Variants in IPO11 observed in about 807,000 individuals in gnomAD.
The protein encoded by IPO11 is importin-11.
In IPO11, 66 loss-of-function variants were observed where a neutral mutation model predicts 143.2. That is an observed-to-expected ratio of 0.46 (90% CI 0.38 to 0.57). IPO11 has a LOEUF of 0.57. IPO11 is among the 20% of genes least tolerant of loss of function. The pLI, the probability that IPO11 is intolerant of heterozygous loss-of-function variation, is 0.00. For missense variants in IPO11, 1,026 were observed against 1,141.0 expected, an observed-to-expected ratio of 0.90 and a Z score of 1.45; for synonymous variants, 385 against 377.8, an observed-to-expected ratio of 1.02 and a Z score of -0.22.
Position 62,601,798 on chromosome 5 carries a change from G to A in IPO11, c.2713G>A (p.Val905Ile). 6.3e-7 allele frequency: 1 copy of A among 1,595,058 alleles called. No individual in the cohort carries two copies. The highest frequency in any genetic ancestry group is 8.5e-7 in the Non-Finnish European group (1 of 1,170,362). Residue 905 changes from valine (V) to isoleucine (I), a missense_variant, in exon 29 of 30, where the codon GTA becomes ATA. Val to Ile is a conservative substitution (Grantham distance 29, BLOSUM62 3). Around this residue, in one of 5 missense-constraint regions of IPO11, gnomAD observed 351 missense variants for 358.9 expected, o/e 0.98. Coordinates refer to ENST00000325324, the MANE Select transcript of IPO11 (RefSeq NM_016338.5). ...MLMSHLEEPK[V>I]TEDEEPPTEQ... ...GATGTCTCATCTTGAGGAACCAAAAGTAACAGAAGATGAAGAACCACCCAC... is the reference window on the plus strand; with the variant it reads ...GATGTCTCATCTTGAGGAACCAAAAATAACAGAAGATGAAGAACCACCCAC...
At chr5:62,568,440 G>A (rs779095764) in intron 27 of IPO11, among the ~76,000 whole-genome samples, 1 of 151,176 alleles carries the variant, frequency 6.6e-6, no homozygotes, top group Non-Finnish European at 1.5e-5. Flanking sequence ...AGGGTGTGGT[G>A]GTGCACACCT....
rs1744539481 is a variant in IPO11, at chr5:62,581,080, A to G, written c.2583-10497A>G. 3.2e-6 allele frequency: 5 copies of G among 1,549,378 alleles called. 1 individual carries two copies. The highest frequency in any genetic ancestry group is 1.7e-4 in the Middle Eastern group (1 of 5,970). The stretch of plus-strand genomic sequence containing the variant: ...TGTTTTAATCATTTTTTTGATCTAC[A>G]AAGTTGTTCAGTTTAAACAAAAACT... On this transcript the variant is annotated intron_variant, in intron 27 of 29. Coordinates refer to ENST00000325324, the MANE Select transcript of IPO11 (RefSeq NM_016338.5).
rs183429434 is a variant in IPO11 at position 62,584,510 on chromosome 5, G to A, written c.2583-7067G>A. On this transcript the variant is annotated intron_variant, in intron 27 of 29. Transcript: ENST00000325324. ...TGCCCGTAGTCCTAGCTACTCAGGA[G>A]GCTGAGGTGTGAGGATTGCTTGAGC... 2.7e-3 allele frequency among the ~76,000 whole-genome samples: 413 copies of A among 151,608 alleles called. 1 individual carries two copies. Among genetic ancestry groups the A allele is most frequent in the African/African-American group, 9.4e-3 (389 of 41,328 alleles).
At chr5:62,529,382 T>C (rs934743331) in intron 21 of IPO11, among the ~76,000 whole-genome samples, 1 of 152,128 alleles carries the variant, frequency 6.6e-6, no homozygotes, top group African/African-American at 2.4e-5. Context: ...GAAAAAACCT[T>C]TCTTTTAAAA....
intron 15 of IPO11, among the ~76,000 whole-genome samples, chr5:62,492,103 T>C (rs1746636016): frequency 6.6e-6 from 1 of 152,204 alleles, no homozygotes; most frequent in African/African-American, 2.4e-5. Flanking sequence ...GGTTTTGACT[T>C]AGTAGGTCTG....
At chr5:62,507,145 A>C (rs978251331) in intron 19 of IPO11, among the ~76,000 whole-genome samples, 3 of 152,210 alleles carry the variant, frequency 2.0e-5, no homozygotes, top group Non-Finnish European at 4.4e-5. Context: ...GTTCTCACAA[A>C]AAACTTGAGG....
chr5:62,530,939 T>C (rs544418315), intron 22 of IPO11, among the ~76,000 whole-genome samples, 154 bp downstream of exon 22: 7 of 152,322 alleles, frequency 4.6e-5, no homozygotes, highest in African/African-American at 7.2e-5. Context: ...CATGGATATA[T>C]TGCGTGATGT....
chr5:62,603,179 G>T (rs557465435), intron 29 of IPO11, among the ~76,000 whole-genome samples: 6 of 152,132 alleles, frequency 3.9e-5, no homozygotes, highest in Non-Finnish European at 7.4e-5. Flanking sequence ...TCTTAATAAA[G>T]ATCCAAAACA....
At chr5:62,576,797 A>G (rs1327281545) in intron 27 of IPO11, among the ~76,000 whole-genome samples, 2 of 152,228 alleles carry the variant, frequency 1.3e-5, no homozygotes, top group East Asian at 3.8e-4. Context: ...GAATACATGC[A>G]TCCATACAGA....
Position 62,417,321 on chromosome 5 carries a change from A to ATTTTT in IPO11, c.-7+4414_-7+4418dup, listed in dbSNP as rs34767317. Among the ~76,000 whole-genome samples the ATTTTT allele has an allele frequency of 3.2e-4, 21 of 65,342 alleles. 1 individual carries two copies. Among genetic ancestry groups the ATTTTT allele is most frequent in the African/African-American group, 1.1e-3 (18 of 15,724 alleles). The allele number at this position is 65,342 out of a possible 152,430, so 42.9% of individuals were successfully genotyped here. ...ATTTTCTTCACCTCCTTATTGGTTA[A>ATTTTT]TTTTTTTTTTTTTTTTTTTTTTTTT... On this transcript the variant is annotated intron_variant, in intron 1 of 29. Coordinates refer to ENST00000325324, the MANE Select transcript of IPO11 (RefSeq NM_016338.5).
At chr5:62,537,854 CAT>C (rs1424919721) in intron 24 of IPO11, among the ~76,000 whole-genome samples, 1 of 151,780 alleles carries the variant, frequency 6.6e-6, no homozygotes, top group Non-Finnish European at 1.5e-5. Context: ...TACATATAAA[CAT>C]AAATGTATGT....
intron 28 of IPO11, among the ~76,000 whole-genome samples, chr5:62,597,507 C>G (rs1435477176): frequency 6.6e-6 from 1 of 152,166 alleles, no homozygotes; most frequent in Non-Finnish European, 1.5e-5. Flanking sequence ...ACTGAAACAG[C>G]TGGATTGGTT....
At chr5:62,492,567 G>T (rs1561333320) in intron 15 of IPO11, among the ~76,000 whole-genome samples, 2 of 151,826 alleles carry the variant, frequency 1.3e-5, no homozygotes, top group African/African-American at 4.8e-5. Context: ...TTTTTGAGAT[G>T]GGGTCTCACT....
intron 29 of IPO11, among the ~76,000 whole-genome samples, chr5:62,626,443 A>G (rs1746581078): frequency 6.6e-6 from 1 of 151,990 alleles, no homozygotes; most frequent in Non-Finnish European, 1.5e-5. Flanking sequence ...TTCCGGTAAC[A>G]CTCTTGGTTG....
chr5:62,575,649 ATC>A (rs912347389), intron 27 of IPO11, among the ~76,000 whole-genome samples: 5 of 152,120 alleles, frequency 3.3e-5, no homozygotes, highest in African/African-American at 1.2e-4. Flanking sequence ...TTATGTATGC[ATC>A]TCTCGTTAGA....
At chr5:62,582,348 C>G (rs32052) in intron 27 of IPO11, among the ~76,000 whole-genome samples, 34,784 of 151,930 alleles carry the variant, frequency 0.23, 4,580 homozygotes, top group East Asian at 0.39. Context: ...TTGGTTGAGG[C>G]GTGGCAGGGG....
intron 1 of IPO11, among the ~76,000 whole-genome samples, chr5:62,415,170 T>A (rs1452222860): frequency 1.3e-5 from 2 of 152,164 alleles, no homozygotes; most frequent in African/African-American, 4.8e-5. Context: ...CCACCTTTCC[T>A]CTTTATTTTT....
chr5:62,588,035 G>T (rs1170210023), intron 27 of IPO11, among the ~76,000 whole-genome samples: 1 of 152,120 alleles, frequency 6.6e-6, no homozygotes, highest in Non-Finnish European at 1.5e-5. Context: ...AATCTGCTTT[G>T]CAGTCTTCAT....
At chr5:62,578,792 T>TA (rs746071621) in intron 27 of IPO11, 18,928 of 336,976 alleles carry the variant, frequency 0.056, 1 homozygote, top group South Asian at 0.088. Context: ...AACGGTGACT[T>TA]AAAAAAAAAA....
Sources: gnomAD v4.1 joint callset for allele counts (sites outside exome capture counted in the v4.1 genomes callset) on GRCh38, gnomAD v4.1.1 for gene constraint, gnomAD v4.1.1 regional missense constraint, MANE v1.5 for transcripts, NCBI Gene and HGNC (gene_info 2026-07-23, HGNC 2026-07-21) for gene names.